Variants in MRPL42 observed in about 807,000 individuals in gnomAD.
MRPL42 encodes mitochondrial ribosomal protein L42, also known as large ribosomal subunit protein mL42.
A neutral mutation model predicts 17.9 loss-of-function variants in MRPL42; 17 were observed. The ratio of observed to expected loss-of-function variants is 0.95; its 90% CI spans 0.65 to 1.42. The LOEUF is 1.42. Ranked by LOEUF, MRPL42 falls within the 40% of genes most tolerant of loss-of-function variation. The pLI, the probability that MRPL42 is intolerant of heterozygous loss-of-function variation, is 0.00. For missense variants in MRPL42, 177 were observed against 175.2 expected, an observed-to-expected ratio of 1.01 and a Z score of -0.06; for synonymous variants, 59 against 54.4, an observed-to-expected ratio of 1.08 and a Z score of -0.37.
chr12:93,493,871 A>C (rs1262289119), intron 5 of MRPL42, among the ~76,000 whole-genome samples: 1 of 17,606 alleles, frequency 5.7e-5, no homozygotes, highest in Non-Finnish European at 1.2e-4. Context: ...CATGGATCTT[A>C]CATTCCAATA....
Position 93,507,527 on chromosome 12 carries a change from A to G in MRPL42, c.*6306A>G, listed in dbSNP as rs1457468783. The G allele has an allele frequency of 6.6e-6, 1 of 152,222 alleles. No individual in the cohort carries two copies. Among genetic ancestry groups the G allele is most frequent in the African/African-American group, 2.4e-5 (1 of 41,464 alleles). The allele number at this position is 152,222 out of a possible 1,614,324, so 9.4% of individuals were successfully genotyped here. A position where few individuals can be genotyped will look rare whatever the true frequency, so the allele number is the denominator to read the frequency against. ...ATGAATCCTTGAATATCAGTTATCT[A>G]TTGCCAATTAACAAATCACCCCAAA... On this transcript the variant is annotated 3_prime_UTR_variant, in exon 6 of 6. Coordinates refer to ENST00000549982, the MANE Select transcript of MRPL42 (RefSeq NM_014050.4).
chr12:93,478,759 G>C (rs80227846), intron 3 of MRPL42, among the ~76,000 whole-genome samples: 67 of 152,134 alleles, frequency 4.4e-4, no homozygotes, highest in African/African-American at 1.5e-3. Flanking sequence ...ACAATCTAAT[G>C]CCTATTCTTT....
intron 2 of MRPL42, chr12:93,470,489 C>G: frequency 3.1e-6 from 4 of 1,279,464 alleles, no homozygotes; most frequent in Non-Finnish European, 4.1e-6. Flanking sequence ...ATTTTAGATT[C>G]GGGCGTACAT....
At chr12:93,486,119 A>G (rs962951692) in intron 4 of MRPL42, among the ~76,000 whole-genome samples, 5 of 151,734 alleles carry the variant, frequency 3.3e-5, no homozygotes, top group Non-Finnish European at 7.4e-5. Context: ...TGTGAGCCAC[A>G]TAGCTGGCCA....
rs888653868 is a variant in MRPL42 at position 93,496,762 on chromosome 12, A to T, written c.384-4414A>T. On this transcript the variant is annotated intron_variant, in intron 5 of 5. Transcript: ENST00000549982. ...ACAGAAATGACAAAGGTGACATCAC[A>T]ACCAATCCCAGAGAAATACAACAGA... 1.7e-4 allele frequency among the ~76,000 whole-genome samples: 26 copies of T among 148,820 alleles called. No individual in the cohort carries two copies. In the Admixed American group the frequency reaches 1.8e-3, roughly 10 times the overall value.
intron 4 of MRPL42, among the ~76,000 whole-genome samples, chr12:93,481,479 A>G (rs531923602): frequency 5.9e-5 from 9 of 152,150 alleles, no homozygotes; most frequent in African/African-American, 1.9e-4. Context: ...ATCATTTACT[A>G]TCTTTTTTTG....
chr12:93,471,560 G>C (rs4761724), intron 2 of MRPL42, among the ~76,000 whole-genome samples: 78,445 of 151,804 alleles, frequency 0.52, 20,327 homozygotes, highest in Non-Finnish European at 0.53. Context: ...CTCAGCCTCC[G>C]AGAGTGCTGG....
At chr12:93,475,976 G>A (rs575865524) in intron 2 of MRPL42, among the ~76,000 whole-genome samples, 34 of 151,902 alleles carry the variant, frequency 2.2e-4, no homozygotes, top group Non-Finnish European at 2.9e-4. Context: ...GCAAGACTCC[G>A]TCTCAAAAAC....
In MRPL42 at chr12:93,469,247, A is replaced by T; in HGVS notation, c.-39A>T. On this transcript the variant is annotated 5_prime_UTR_variant, in exon 2 of 6. Transcript: ENST00000549982. Reference sequence around the variant, plus strand: ...TCTAAAAGCAGTTTCTCTTCAGAACATCTTTTTTCATACCACTTGATAAGC... The same window carrying T: ...TCTAAAAGCAGTTTCTCTTCAGAACTTCTTTTTTCATACCACTTGATAAGC... The T allele has an allele frequency of 6.5e-7, 1 of 1,530,632 alleles. No homozygotes were observed. Among genetic ancestry groups the T allele is most frequent in the Non-Finnish European group, 8.9e-7 (1 of 1,121,840 alleles). The allele number at this position is 1,530,632 out of a possible 1,614,324, so 94.8% of individuals were successfully genotyped here. A position where few individuals can be genotyped will look rare whatever the true frequency, so the allele number is the denominator to read the frequency against.
At chr12:93,487,683 C>T (rs754869358) in intron 5 of MRPL42, 23 bp downstream of exon 5, 2 of 1,567,396 alleles carry the variant, frequency 1.3e-6, no homozygotes, top group Non-Finnish European at 8.7e-7. Context: ...TTCTTTTCTT[C>T]AATCCCTACT....
chr12:93,487,454 C>T (rs1953323188), intron 4 of MRPL42, 43 bp from the exon 5 acceptor site: 1 of 1,545,478 alleles, frequency 6.5e-7, no homozygotes, highest in African/African-American at 1.4e-5. Flanking sequence ...TGCTGGCTAA[C>T]ATTCCCACAT....
intron 5 of MRPL42, among the ~76,000 whole-genome samples, chr12:93,492,366 T>C (rs1406102410): frequency 6.6e-6 from 1 of 152,202 alleles, no homozygotes; most frequent in Non-Finnish European, 1.5e-5. Context: ...TGCATTTCTC[T>C]GATGATTAGT....
rs844207 is a variant in MRPL42, at chr12:93,514,376, G to A, written c.*13155G>A. On this transcript the variant is annotated 3_prime_UTR_variant, in exon 6 of 6. Coordinates refer to ENST00000549982, the MANE Select transcript of MRPL42 (RefSeq NM_014050.4). ...CAACCTCCACCTCCCAAGCTCAAGC[G>A]ATTCTTGTGCCTCAGCCTCCTGAGT... The A allele has an allele frequency of 1.4e-5, 2 of 145,210 alleles. No homozygotes were observed. The highest frequency in any genetic ancestry group is 2.6e-5 in the African/African-American group (1 of 38,812). The allele number at this position is 145,210 out of a possible 1,614,324, so 9.0% of individuals were successfully genotyped here.
At chr12:93,482,373 T>C (rs932902137) in intron 4 of MRPL42, among the ~76,000 whole-genome samples, 4 of 152,318 alleles carry the variant, frequency 2.6e-5, no homozygotes, top group African/African-American at 7.2e-5. Context: ...GTTTTCTGGC[T>C]ATCTCCCATC....
In MRPL42 at chr12:93,473,809, C is replaced by T. The variant is rs150079325; in HGVS notation, c.71-3145C>T. Among the ~76,000 whole-genome samples, 15 of 151,722 alleles carry T rather than the reference C, an allele frequency of 9.9e-5. 1 individual carries two copies. The East Asian group carries it at 2.7e-3, about 27-fold the overall frequency. On this transcript the variant is annotated intron_variant, in intron 2 of 5. Coordinates refer to ENST00000549982, the MANE Select transcript of MRPL42 (RefSeq NM_014050.4). ...TCTTGAACTCCTGGGTTCAAGTGAT[C>T]CACCTGCCTCAGCCTCCCAAAGTTC... is the stretch of plus-strand genomic sequence containing the variant.
Position 93,485,001 on chromosome 12 carries a change from T to TAC in MRPL42, c.220-2495_220-2494insCA, listed in dbSNP as rs1245590702. Among the ~76,000 whole-genome samples, 34 of 25,238 alleles carry TAC rather than the reference T, an allele frequency of 1.3e-3. 4 individuals are homozygous for TAC. The highest frequency in any genetic ancestry group is 4.2e-3 in the South Asian group (3 of 718). The allele number at this position is 25,238 out of a possible 152,430, so 16.6% of individuals were successfully genotyped here. On this transcript the variant is annotated intron_variant, in intron 4 of 5. Transcript: ENST00000549982. ...ACACATATATATATATATATATATA[T>TAC]ATATATATATATATATATATATATA...
intron 2 of MRPL42, among the ~76,000 whole-genome samples, chr12:93,472,028 A>T (rs546014934): frequency 2.0e-5 from 3 of 152,284 alleles, no homozygotes; most frequent in African/African-American, 7.2e-5. Context: ...TTATTTATAT[A>T]TCTTTTTCCC....
intron 3 of MRPL42, 65 bp downstream of exon 3, chr12:93,477,082 TTTC>T: frequency 3.3e-6 from 4 of 1,217,744 alleles, no homozygotes; most frequent in Non-Finnish European, 4.7e-6. Flanking sequence ...TTTAATTTTA[TTTC>T]TTGTTTTGAT....
chr12:93,484,978 A>G (rs1273521370), intron 4 of MRPL42, among the ~76,000 whole-genome samples: 1 of 65,582 alleles, frequency 1.5e-5, no homozygotes, highest in Non-Finnish European at 2.7e-5. Flanking sequence ...ACACACACAC[A>G]CATATATATA....
Sources: allele counts gnomAD v4.1 joint callset (sites outside exome capture counted in the v4.1 genomes callset), GRCh38; gene constraint gnomAD v4.1.1; transcripts MANE v1.5; gene names NCBI Gene and HGNC (gene_info 2026-07-23, HGNC 2026-07-21).